GPAT3: variants seen among roughly 807,000 people sequenced by gnomAD.
GPAT3 encodes the protein glycerol-3-phosphate acyltransferase 3.
A neutral mutation model predicts 58.8 loss-of-function variants in GPAT3; 53 were observed. That is an observed-to-expected ratio of 0.90 (90% CI 0.72 to 1.13). The LOEUF is 1.13. GPAT3 is among the 50% of genes most tolerant of loss of function. GPAT3 has a pLI of 0.00. For missense variants in GPAT3, 511 were observed against 527.6 expected, an observed-to-expected ratio of 0.97 and a Z score of 0.31; for synonymous variants, 197 against 187.4, an observed-to-expected ratio of 1.05 and a Z score of -0.42.
chr4:83,547,913 G>A (rs1724607311), intron 2 of GPAT3, among the ~76,000 whole-genome samples: 2 of 146,508 alleles, frequency 1.4e-5, no homozygotes, highest in Admixed American at 6.9e-5. Flanking sequence ...CTGGCCTCAA[G>A]CAATCCTCCT....
intron 2 of GPAT3, among the ~76,000 whole-genome samples, chr4:83,580,529 T>C (rs1726069232): frequency 6.6e-6 from 1 of 152,220 alleles, no homozygotes; most frequent in South Asian, 2.1e-4. Context: ...TCAGCAAAAC[T>C]ATCTTCAGTC....
chr4:83,563,532 A>G (rs1725263513), intron 2 of GPAT3, among the ~76,000 whole-genome samples: 1 of 132,594 alleles, frequency 7.5e-6, no homozygotes, highest in Non-Finnish European at 1.5e-5. Context: ...CCCAGGCTGG[A>G]ATGCAATGGT....
chr4:83,554,555 A>G (rs1319928805), intron 2 of GPAT3, among the ~76,000 whole-genome samples: 2 of 152,058 alleles, frequency 1.3e-5, no homozygotes, highest in Non-Finnish European at 2.9e-5. Flanking sequence ...ACTGTTCCAT[A>G]TTATTTATTA....
At chr4:83,587,955 G>A (rs565344981) in intron 4 of GPAT3, among the ~76,000 whole-genome samples, 104 of 152,238 alleles carry the variant, frequency 6.8e-4, no homozygotes, top group African/African-American at 2.4e-3. Context: ...TCAGGAATTT[G>A]TCATAATAGC....
chr4:83,547,303 A>G (rs1273653974), intron 2 of GPAT3, among the ~76,000 whole-genome samples: 1 of 121,248 alleles, frequency 8.2e-6, no homozygotes, highest in African/African-American at 3.4e-5. Context: ...CCCAGGCTGG[A>G]GTGCAGTGGC....
At chr4:83,547,495 GCCCA>G (rs1724585689) in intron 2 of GPAT3, among the ~76,000 whole-genome samples, 1 of 151,432 alleles carries the variant, frequency 6.6e-6, no homozygotes, top group African/African-American at 2.4e-5. Context: ...CTTGTGATCT[GCCCA>G]CCTCGGCCTC....
intron 1 of GPAT3, among the ~76,000 whole-genome samples, chr4:83,542,086 A>G (rs528307605): frequency 1.3e-5 from 2 of 152,246 alleles, no homozygotes; most frequent in African/African-American, 4.8e-5. Context: ...GACATAATTC[A>G]GCCCATAACA....
At chr4:83,587,160 C>G (rs1437377321) in intron 3 of GPAT3, 95 bp from the exon 4 acceptor site, 2 of 969,780 alleles carry the variant, frequency 2.1e-6, no homozygotes, top group East Asian at 4.8e-5. Context: ...TGTGGATACT[C>G]TACAACTTAT....
rs568570818 is a variant in GPAT3, at chr4:83,587,439, A to ATTT, written c.554+113_554+115dup. On this transcript the variant is annotated intron_variant, in intron 4 of 11. Transcript: ENST00000264409. ...TATGTATTGCATTATTATTATTATTATTTTTGAGACGGAGTCTCGTACTGT... is the reference window on the plus strand; with the variant it reads ...TATGTATTGCATTATTATTATTATTATTTTTTTTGAGACGGAGTCTCGTACTGT... 1,675 of 1,014,504 alleles carry ATTT rather than the reference A, an allele frequency of 1.7e-3. 15 individuals carry two copies. The African/African-American group carries it at 0.021, about 13-fold the overall frequency. 62.8% of individuals were successfully genotyped at this position (1,014,504 alleles called of 1,614,324 possible).
rs560076794 is a variant in GPAT3, at chr4:83,551,420, G to A, written c.208+6818G>A. Among the ~76,000 whole-genome samples the A allele has an allele frequency of 1.6e-3, 239 of 152,228 alleles. 2 individuals are homozygous for A. The highest frequency in any genetic ancestry group is 5.4e-3 in the African/African-American group (225 of 41,514). ...ACTATAGGGCAGTATATTGCGCCTG[G>A]CTGGGACAGGTTATCTTCAGGAGGG... On this transcript the variant is annotated intron_variant, in intron 2 of 11. Transcript: ENST00000264409.
At chr4:83,600,792 G>A (rs544456341) in intron 11 of GPAT3, among the ~76,000 whole-genome samples, 2 of 152,104 alleles carry the variant, frequency 1.3e-5, no homozygotes, top group African/African-American at 2.4e-5. Flanking sequence ...GTGAGCCACC[G>A]ATCCTGGCCG....
At chr4:83,541,396 T>TC (rs1724299568) in intron 1 of GPAT3, among the ~76,000 whole-genome samples, 1 of 145,432 alleles carries the variant, frequency 6.9e-6, no homozygotes, top group Non-Finnish European at 1.5e-5. Flanking sequence ...TTAAAACCTT[T>TC]TTTTTTTTTT....
At chr4:83,595,770 G>T (rs913792199) in intron 7 of GPAT3, among the ~76,000 whole-genome samples, 1 of 152,066 alleles carries the variant, frequency 6.6e-6, no homozygotes. Context: ...GAACCTCTGG[G>T]GTTTAGGGTA....
rs530151078 is a variant in GPAT3 at position 83,605,643 on chromosome 4, G to A, written c.*876G>A. On this transcript the variant is annotated 3_prime_UTR_variant, in exon 12 of 12. Coordinates refer to ENST00000264409, the MANE Select transcript of GPAT3 (RefSeq NM_032717.5). ...CCACCCCTTTGTGCTTTTTATTCCC[G>A]AATTTTCCCAGTCTCTTAAACAGAA... The A allele has an allele frequency of 1.3e-5, 2 of 152,142 alleles. No individual in the cohort carries two copies. Among genetic ancestry groups the A allele is most frequent in the Non-Finnish European group, 2.9e-5 (2 of 67,978 alleles). The allele number at this position is 152,142 out of a possible 1,614,324, so 9.4% of individuals were successfully genotyped here.
At position 83,588,266 on chromosome 4, in the gene GPAT3, G is replaced by A. The variant is rs773216751; in HGVS notation, c.611G>A (p.Arg204Gln). Residue 204 changes from arginine to glutamine, a missense_variant, in exon 5 of 12, where the codon CGA (arginine) becomes CAA (glutamine). By Grantham distance (43) the Arg-to-Gln change is conservative (BLOSUM62 1). Transcript: ENST00000264409. ...CTGACTTGCTGCCGGATCTGTGTGC[G>A]AGCCCTCTCTGGTACCATTCATTAT... ...VHLTCCRICV[R>Q]ALSGTIHYHN... is the part of the protein sequence containing the mutation. 3.1e-6 allele frequency: 5 copies of A among 1,613,616 alleles called. No individual in the cohort carries two copies. Among genetic ancestry groups the A allele is most frequent in the East Asian group, 2.2e-5 (1 of 44,852 alleles).
At chr4:83,553,949 C>T (rs984048375) in intron 2 of GPAT3, among the ~76,000 whole-genome samples, 1 of 151,448 alleles carries the variant, frequency 6.6e-6, no homozygotes, top group African/African-American at 2.4e-5. Context: ...ATAATAGGAT[C>T]AGACAATAGT....
At chr4:83,556,742 A>C (rs1724955258) in intron 2 of GPAT3, among the ~76,000 whole-genome samples, 1 of 152,060 alleles carries the variant, frequency 6.6e-6, no homozygotes, top group Admixed American at 6.5e-5. Context: ...TGGAATATGC[A>C]ATGATGAAAA....
rs893106304 is a variant in GPAT3, at chr4:83,572,856, TCTTAA to T, written c.209-8698_209-8694del. Among the ~76,000 whole-genome samples the T allele has an allele frequency of 7.9e-5, 12 of 152,172 alleles. No homozygotes were observed. In the South Asian group the frequency reaches 1.0e-3, roughly 13 times the overall value. On this transcript the variant is annotated intron_variant, in intron 2 of 11. Coordinates refer to ENST00000264409, the MANE Select transcript of GPAT3 (RefSeq NM_032717.5). ...AGTGGCCTAACTTACGTCCTGGAAA[TCTTAA>T]CTTAACTAATGGCTTAGGGAATGGT...
intron 3 of GPAT3, 32 bp downstream of exon 3, chr4:83,581,864 G>A (rs760692908): frequency 1.5e-5 from 23 of 1,571,106 alleles, no homozygotes; most frequent in East Asian, 4.5e-5. Context: ...TTGATGATAC[G>A]CTTGACTCAG....
Sources: gnomAD v4.1 joint callset for allele counts (sites outside exome capture counted in the v4.1 genomes callset) on GRCh38, gnomAD v4.1.1 for gene constraint, MANE v1.5 for transcripts, NCBI Gene and HGNC (gene_info 2026-07-23, HGNC 2026-07-21) for gene names.